Variants in TSPAN2 observed in about 807,000 individuals in gnomAD.
The protein encoded by TSPAN2 is tetraspanin 2.
In TSPAN2, 24 loss-of-function variants were observed where a neutral mutation model predicts 33.3. The ratio of observed to expected loss-of-function variants is 0.72; its 90% CI spans 0.52 to 1.01. The LOEUF (loss-of-function observed/expected upper bound fraction) is 1.01. Among genes scored for constraint, TSPAN2 ranks in the 50% least tolerant of loss-of-function variants. The pLI, the probability that TSPAN2 is intolerant of heterozygous loss-of-function variation, is 0.00. For synonymous variants in TSPAN2, 114 were observed against 104.5 expected, an observed-to-expected ratio of 1.09 and a Z score of -0.56; for missense variants, 278 against 281.3, an observed-to-expected ratio of 0.99 and a Z score of 0.08.
At chr1:115,087,836 C>A (rs1360039870) in intron 1 of TSPAN2, among the ~76,000 whole-genome samples, 1 of 152,078 alleles carries the variant, frequency 6.6e-6, no homozygotes, top group Non-Finnish European at 1.5e-5. Flanking sequence ...TGAAAACATT[C>A]AATGAATCCT....
intron 1 of TSPAN2, among the ~76,000 whole-genome samples, chr1:115,087,752 T>C (rs1360732906): frequency 6.6e-6 from 1 of 152,116 alleles, no homozygotes; most frequent in Admixed American, 6.5e-5. Context: ...AATAATAGTA[T>C]ATGTATATCA....
At chr1:115,070,373 G>T (rs1325671068) in intron 2 of TSPAN2, among the ~76,000 whole-genome samples, 1 of 101,862 alleles carries the variant, frequency 9.8e-6, no homozygotes, top group African/African-American at 3.2e-5. Context: ...TCAATAATCT[G>T]CTTTTTTTTT....
At chr1:115,064,809 C>T (rs1647879784) in intron 2 of TSPAN2, among the ~76,000 whole-genome samples, 1 of 152,152 alleles carries the variant, frequency 6.6e-6, no homozygotes, top group African/African-American at 2.4e-5. Context: ...TTGCTTCGCA[C>T]CCCGAGACAC....
chr1:115,059,055 TCTC>T (rs1647555337), intron 4 of TSPAN2, 74 bp from the exon 5 acceptor site: 6 of 1,147,748 alleles, frequency 5.2e-6, no homozygotes, highest in East Asian at 4.7e-5. Flanking sequence ...TCAAGGAAAA[TCTC>T]CTCTTCCACA....
At chr1:115,072,298 G>A (rs1247865955) in intron 2 of TSPAN2, among the ~76,000 whole-genome samples, 1 of 151,942 alleles carries the variant, frequency 6.6e-6, no homozygotes, top group Non-Finnish European at 1.5e-5. Context: ...TCCCAGGGGA[G>A]TCCCTCTCAT....
At chr1:115,063,365 A>C (rs1647808213) in intron 2 of TSPAN2, among the ~76,000 whole-genome samples, 1 of 152,228 alleles carries the variant, frequency 6.6e-6, no homozygotes, top group Non-Finnish European at 1.5e-5. Context: ...TCAAAACCAC[A>C]ATGAGATACC....
At chr1:115,050,793 C>G (rs1321105) in intron 7 of TSPAN2, among the ~76,000 whole-genome samples, 28,251 of 152,112 alleles carry the variant, frequency 0.19, 3,410 homozygotes, top group East Asian at 0.45. Flanking sequence ...TTTAAAAGAA[C>G]CTACCCTGCT....
chr1:115,061,012 G>T (rs72697923), intron 3 of TSPAN2, among the ~76,000 whole-genome samples: 8,831 of 152,228 alleles, frequency 0.058, 287 homozygotes, highest in Middle Eastern at 0.14. Context: ...GTCTGGAAAG[G>T]CTTCTTTGAG....
At chr1:115,052,948 C>T (rs1255871532) in intron 7 of TSPAN2, among the ~76,000 whole-genome samples, 1 of 152,100 alleles carries the variant, frequency 6.6e-6, no homozygotes, top group East Asian at 1.9e-4. Context: ...AATGGTGGAG[C>T]CTAGAGTTAA....
chr1:115,059,281 T>TC (rs1647566257), intron 4 of TSPAN2, among the ~76,000 whole-genome samples: 1 of 151,226 alleles, frequency 6.6e-6, no homozygotes, highest in Admixed American at 6.6e-5. Context: ...CCTGTAGAAA[T>TC]AAAAAAAAAT....
At chr1:115,077,653 G>A (rs911577235) in intron 1 of TSPAN2, among the ~76,000 whole-genome samples, 11 of 152,220 alleles carry the variant, frequency 7.2e-5, no homozygotes, top group Non-Finnish European at 1.6e-4. Flanking sequence ...AAAAGTCATC[G>A]TGCATGAAGC....
At chr1:115,078,522 A>G (rs1334316853) in intron 1 of TSPAN2, among the ~76,000 whole-genome samples, 1 of 152,136 alleles carries the variant, frequency 6.6e-6, no homozygotes, top group Non-Finnish European at 1.5e-5. Flanking sequence ...AAATGAGGTC[A>G]TGAGGGTGGG....
intron 2 of TSPAN2, among the ~76,000 whole-genome samples, chr1:115,065,951 C>T (rs76294193): frequency 1.3e-5 from 2 of 152,172 alleles, no homozygotes; most frequent in East Asian, 3.9e-4. Context: ...CCCTCGGCCT[C>T]CATGAGATCC....
rs1675214829 is a variant in TSPAN2 at position 115,048,325 on chromosome 1, T to A, written c.*2165A>T. 1 of 146,698 alleles carries A rather than the reference T, an allele frequency of 6.8e-6. No individual in the cohort carries two copies. The highest frequency in any genetic ancestry group is 2.1e-4 in the South Asian group (1 of 4,726). The allele number at this position is 146,698 out of a possible 1,614,324, so 9.1% of individuals were successfully genotyped here. A position where few individuals can be genotyped will look rare whatever the true frequency, so the allele number is the denominator to read the frequency against. ...TATACAGATATATATATATATATAT[T>A]CATCTTTCTGTGTGTGTGTGTATAT... On this transcript the variant is annotated 3_prime_UTR_variant, in exon 8 of 8. Transcript: ENST00000369516.
chr1:115,074,720 T>G (rs538821814), intron 1 of TSPAN2, among the ~76,000 whole-genome samples: 1 of 152,180 alleles, frequency 6.6e-6, no homozygotes, highest in Non-Finnish European at 1.5e-5. Context: ...AAAATACATT[T>G]TTAAAGTGTT....
At chr1:115,058,477 A>T in intron 5 of TSPAN2, 1 of 242,968 alleles carries the variant, frequency 4.1e-6, no homozygotes, top group South Asian at 5.0e-5. Context: ...TAACTTGCTC[A>T]AGGTCACAAG....
intron 2 of TSPAN2, among the ~76,000 whole-genome samples, chr1:115,063,338 C>T (rs1196662763): frequency 6.6e-6 from 1 of 152,222 alleles, no homozygotes; most frequent in East Asian, 1.9e-4. Context: ...CATCTCTAAT[C>T]ATCAGAGAAA....
chr1:115,075,291 C>T (rs554182028), intron 1 of TSPAN2, among the ~76,000 whole-genome samples: 12 of 152,300 alleles, frequency 7.9e-5, no homozygotes, highest in East Asian at 1.9e-4. Context: ...CCCAACCACA[C>T]GGGTTTCCTC....
At chr1:115,066,778 C>CT (rs1242834169) in intron 2 of TSPAN2, among the ~76,000 whole-genome samples, 1 of 152,068 alleles carries the variant, frequency 6.6e-6, no homozygotes, top group East Asian at 1.9e-4. Flanking sequence ...TTGAATGCAA[C>CT]TTAGTTTTTG....
Sources: gnomAD v4.1 joint callset for allele counts (sites outside exome capture counted in the v4.1 genomes callset) on GRCh38, gnomAD v4.1.1 for gene constraint, MANE v1.5 for transcripts, NCBI Gene and HGNC (gene_info 2026-07-23, HGNC 2026-07-21) for gene names.